The following SAMD8 variants were observed in gnomAD, a reference collection of about 807,000 sequenced individuals.
SAMD8 encodes the protein sterile alpha motif domain containing 8.
In SAMD8, 20 loss-of-function variants were observed where a neutral mutation model predicts 42.0. The observed-to-expected ratio is 0.48, with a 90% confidence interval of 0.34 to 0.69. The LOEUF (loss-of-function observed/expected upper bound fraction) is 0.69, where lower values mean the gene tolerates loss of function less well. Among genes scored for constraint, SAMD8 ranks in the 30% least tolerant of loss-of-function variants. SAMD8 has a pLI of 0.01. For missense variants in SAMD8, 328 were observed against 511.6 expected (o/e 0.64, Z 3.46); for synonymous variants, 162 against 173.0 (o/e 0.94, Z 0.50).
intron 1 of SAMD8, among the ~76,000 whole-genome samples, chr10:75,149,444 C>T (rs541121318): frequency 5.3e-5 from 8 of 152,100 alleles, no homozygotes; most frequent in Admixed American, 6.5e-5. Flanking sequence ...TGCTAAAGTC[C>T]GTGATAGTTT....
chr10:75,139,127 A>AT (rs1294871934), intron 1 of SAMD8, among the ~76,000 whole-genome samples: 1,463 of 142,596 alleles, frequency 0.01, 17 homozygotes, highest in African/African-American at 0.032. Context: ...CGCCCGATTA[A>AT]TTTTTTTTTT....
At chr10:75,174,150 G>A (rs1279506873) in intron 4 of SAMD8, among the ~76,000 whole-genome samples, 1 of 152,128 alleles carries the variant, frequency 6.6e-6, no homozygotes, top group African/African-American at 2.4e-5. Flanking sequence ...GTCTCGCTCT[G>A]TCGCCCAGGC....
chr10:75,112,617 T>C (rs1848799001), intron 1 of SAMD8, among the ~76,000 whole-genome samples: 1 of 152,232 alleles, frequency 6.6e-6, no homozygotes, highest in Non-Finnish European at 1.5e-5. Context: ...TTTGGATTTA[T>C]TGACAGTAAT....
At chr10:75,146,336 G>A (rs1840134168) in intron 1 of SAMD8, among the ~76,000 whole-genome samples, 2 of 139,762 alleles carry the variant, frequency 1.4e-5, no homozygotes, top group African/African-American at 5.5e-5. Flanking sequence ...CCAGGCTGGA[G>A]TGCAATGGCA....
rs549047946 is a variant in SAMD8 at position 75,171,472 on chromosome 10, AG to A, written c.792+2815del. ...GTGAGCCATCGCGCCCAGCCTCTTT[AG>A]CCTATTTTTCATTTAATAGTATGTT... is the stretch of plus-strand genomic sequence containing the variant. On this transcript the variant is annotated intron_variant, in intron 4 of 5. Transcript: ENST00000542569. 1.5e-3 allele frequency among the ~76,000 whole-genome samples: 228 copies of A among 152,236 alleles called. 2 individuals carry two copies. The highest frequency in any genetic ancestry group is 5.3e-3 in the African/African-American group (222 of 41,550).
At chr10:75,173,896 T>C (rs1377508078) in intron 4 of SAMD8, among the ~76,000 whole-genome samples, 1 of 152,220 alleles carries the variant, frequency 6.6e-6, no homozygotes, top group South Asian at 2.1e-4. Context: ...TTACTAGCTA[T>C]GTGACCTCTC....
chr10:75,100,757 C>T (rs1046296712), intron 1 of SAMD8, among the ~76,000 whole-genome samples: 4 of 152,234 alleles, frequency 2.6e-5, no homozygotes, highest in African/African-American at 7.2e-5. Context: ...CTGCTGTTTG[C>T]AAGTCCATGC....
chr10:75,108,276 G>T, upstream of SAMD8: 2 of 1,523,122 alleles, frequency 1.3e-6, no homozygotes, highest in Non-Finnish European at 8.7e-7. Context: ...GCTGTGCCTG[G>T]CCCCCTGCTG....
chr10:75,103,790 C>T (rs1848323158), intron 1 of SAMD8: 1 of 935,386 alleles, frequency 1.1e-6, no homozygotes, highest in African/African-American at 1.7e-5. Context: ...TCACAAATAT[C>T]TGGAACCCCC....
intron 1 of SAMD8, among the ~76,000 whole-genome samples, chr10:75,112,627 T>G (rs1178580784): frequency 1.3e-5 from 2 of 152,240 alleles, no homozygotes; most frequent in African/African-American, 4.8e-5. Flanking sequence ...TTGACAGTAA[T>G]GGTGTCCTTT....
At chr10:75,145,956 T>G (rs1019891323) in intron 1 of SAMD8, among the ~76,000 whole-genome samples, 1 of 152,202 alleles carries the variant, frequency 6.6e-6, no homozygotes, top group Admixed American at 6.5e-5. Flanking sequence ...TGGTCTTTCC[T>G]TGGTCTTGGT....
intron 1 of SAMD8, among the ~76,000 whole-genome samples, chr10:75,128,125 T>G (rs7922534): frequency 0.089 from 13,050 of 147,114 alleles, 721 homozygotes; most frequent in East Asian, 0.21. Flanking sequence ...TAGGCTGGAG[T>G]GCAATGGCGC....
chr10:75,175,681 T>G (rs950531760), intron 4 of SAMD8, among the ~76,000 whole-genome samples: 3 of 152,122 alleles, frequency 2.0e-5, no homozygotes, highest in Non-Finnish European at 4.4e-5. Context: ...CCCTAGTAGC[T>G]GGGATTATAG....
chr10:75,163,582 G>T (rs999632640), intron 2 of SAMD8, among the ~76,000 whole-genome samples: 2 of 151,966 alleles, frequency 1.3e-5, no homozygotes, highest in African/African-American at 4.8e-5. Flanking sequence ...TTACAGGCGC[G>T]CAGCACCGCA....
intron 1 of SAMD8, among the ~76,000 whole-genome samples, chr10:75,103,032 G>T (rs1848274677): frequency 6.6e-6 from 1 of 152,168 alleles, no homozygotes; most frequent in Non-Finnish European, 1.5e-5. Context: ...AGAATCACCT[G>T]AGCCCAGGAA....
At chr10:75,099,654 C>G (rs1848012644) in exon 1 of SAMD8, 3 of 764,568 alleles carry the variant, frequency 3.9e-6, no homozygotes, top group Non-Finnish European at 5.3e-6. Flanking sequence ...GGCCTCCTCT[C>G]TGCTTGGTAT....
intron 1 of SAMD8, among the ~76,000 whole-genome samples, chr10:75,135,134 A>G (rs1419893074): frequency 6.6e-6 from 1 of 152,130 alleles, no homozygotes; most frequent in Non-Finnish European, 1.5e-5. Flanking sequence ...TTATTTGATC[A>G]TCATACAGTG....
At chr10:75,120,628 A>T (rs1226921378) in intron 1 of SAMD8, among the ~76,000 whole-genome samples, 1 of 152,146 alleles carries the variant, frequency 6.6e-6, no homozygotes, top group African/African-American at 2.4e-5. Flanking sequence ...ATTTATTAAT[A>T]GTTAAATTTT....
intron 1 of SAMD8, among the ~76,000 whole-genome samples, chr10:75,129,326 C>G (rs1453109663): frequency 1.3e-5 from 2 of 152,016 alleles, no homozygotes; most frequent in Non-Finnish European, 2.9e-5. Flanking sequence ...CTGCAACCTC[C>G]AACTCCCTGG....
Sources: gnomAD v4.1 joint callset for allele counts (sites outside exome capture counted in the v4.1 genomes callset) on GRCh38, gnomAD v4.1.1 for gene constraint, MANE v1.5 for transcripts, NCBI Gene and HGNC (gene_info 2026-07-23, HGNC 2026-07-21) for gene names.